ROBO2: variants seen among roughly 807,000 people sequenced by gnomAD.
ROBO2 encodes the protein roundabout guidance receptor 2, also known as roundabout homolog 2.
A neutral mutation model predicts 160.8 loss-of-function variants in ROBO2; 53 were observed. The observed-to-expected ratio is 0.33, with a 90% confidence interval of 0.26 to 0.41. The LOEUF (loss-of-function observed/expected upper bound fraction) is 0.41. Among genes scored for constraint, ROBO2 ranks in the 10% least tolerant of loss-of-function variants. The pLI is 1.00. For missense variants in ROBO2, 1,577 were observed against 1,722.4 expected (o/e 0.92, Z 1.49); for synonymous variants, 664 against 611.7 (o/e 1.09, Z -1.26).
intron 2 of ROBO2, among the ~76,000 whole-genome samples, chr3:76,564,804 A>G (rs999377470): frequency 6.6e-6 from 1 of 152,340 alleles, no homozygotes; most frequent in East Asian, 1.9e-4. Flanking sequence ...TACTGGTTTA[A>G]GAGATTTTCT....
At chr3:76,914,828 A>C (rs1159941976) in intron 2 of ROBO2, among the ~76,000 whole-genome samples, 1 of 152,202 alleles carries the variant, frequency 6.6e-6, no homozygotes, top group African/African-American at 2.4e-5. Context: ...GGGAAAACAG[A>C]GTAAGAATTT....
intron 2 of ROBO2, among the ~76,000 whole-genome samples, chr3:76,055,587 G>A (rs573626962): frequency 6.6e-6 from 1 of 152,122 alleles, no homozygotes; most frequent in East Asian, 1.9e-4. Flanking sequence ...GTGAGAATGT[G>A]AAATATTTGA....
intron 2 of ROBO2, among the ~76,000 whole-genome samples, chr3:77,194,423 A>T (rs1484054016): frequency 2.0e-5 from 3 of 152,102 alleles, no homozygotes; most frequent in Admixed American, 2.0e-4. Context: ...TCACTTCCAT[A>T]CTTTCTGGTT....
intron 2 of ROBO2, among the ~76,000 whole-genome samples, chr3:76,396,858 T>C (rs986098399): frequency 1.3e-5 from 2 of 152,118 alleles, no homozygotes; most frequent in Admixed American, 6.5e-5. Context: ...TCCATGCTCA[T>C]GGGTAGGAAG....
At chr3:76,122,937 C>T (rs1402103765) in intron 2 of ROBO2, among the ~76,000 whole-genome samples, 4 of 152,076 alleles carry the variant, frequency 2.6e-5, no homozygotes, top group East Asian at 1.9e-4. Context: ...TTAGTAGAGA[C>T]GGGGTTTCAC....
At chr3:76,838,949 A>G (rs888651710) in intron 2 of ROBO2, among the ~76,000 whole-genome samples, 1 of 152,142 alleles carries the variant, frequency 6.6e-6, no homozygotes, top group Non-Finnish European at 1.5e-5. Flanking sequence ...TGTATTAGCT[A>G]TTATCAGTTT....
intron 2 of ROBO2, among the ~76,000 whole-genome samples, chr3:76,627,205 T>C (rs1240384273): frequency 2.0e-5 from 3 of 152,224 alleles, no homozygotes; most frequent in Non-Finnish European, 4.4e-5. Flanking sequence ...GCATTCTTCT[T>C]TTGAATTAAT....
At chr3:76,385,826 CAT>C (rs1250859863) in intron 2 of ROBO2, among the ~76,000 whole-genome samples, 1 of 152,032 alleles carries the variant, frequency 6.6e-6, no homozygotes, top group African/African-American at 2.4e-5. Flanking sequence ...AGTTCATTAA[CAT>C]ATTTATATCC....
chr3:76,550,684 G>T (rs2083363370), intron 2 of ROBO2, among the ~76,000 whole-genome samples: 2 of 152,226 alleles, frequency 1.3e-5, no homozygotes, highest in African/African-American at 4.8e-5. Context: ...AGAAGTGCCT[G>T]CTCCCACTCT....
intron 2 of ROBO2, among the ~76,000 whole-genome samples, chr3:77,178,841 G>T (rs1316441777): frequency 6.6e-6 from 1 of 152,004 alleles, no homozygotes; most frequent in Non-Finnish European, 1.5e-5. Context: ...AGAGCAAATT[G>T]AATTTGAGTT....
intron 2 of ROBO2, among the ~76,000 whole-genome samples, chr3:76,961,264 A>AC (rs576941186): frequency 6.6e-6 from 1 of 151,604 alleles, no homozygotes; most frequent in Non-Finnish European, 1.5e-5. Flanking sequence ...AAAAAAAAAA[A>AC]AAAACACTAG....
intron 2 of ROBO2, among the ~76,000 whole-genome samples, chr3:77,439,343 T>C (rs939578600): frequency 6.6e-6 from 1 of 152,048 alleles, no homozygotes; most frequent in Non-Finnish European, 1.5e-5. Context: ...CAAGGAAATA[T>C]ATTTAAAAAG....
At chr3:77,180,414 C>CTATATATATATATATATA (rs1449905064) in intron 2 of ROBO2, among the ~76,000 whole-genome samples, 3 of 92,736 alleles carry the variant, frequency 3.2e-5, no homozygotes, top group Admixed American at 2.2e-4. Context: ...CTCTCTCTCT[C>CTATATATATATATATATA]TCTATATATA....
chr3:77,010,709 T>C (rs1002985343), intron 2 of ROBO2, among the ~76,000 whole-genome samples: 1 of 152,174 alleles, frequency 6.6e-6, no homozygotes, highest in Non-Finnish European at 1.5e-5. Context: ...GGCTTTTTAT[T>C]GAACTCTTAA....
intron 2 of ROBO2, among the ~76,000 whole-genome samples, chr3:76,093,818 T>A (rs1252893331): frequency 6.6e-6 from 1 of 152,052 alleles, no homozygotes; most frequent in East Asian, 1.9e-4. Context: ...TACAGGAAAA[T>A]GTGTGGCATT....
At chr3:76,763,311 A>G (rs1165802273) in intron 2 of ROBO2, among the ~76,000 whole-genome samples, 1 of 151,750 alleles carries the variant, frequency 6.6e-6, no homozygotes, top group Non-Finnish European at 1.5e-5. Flanking sequence ...GAAATAATGT[A>G]TGCAAAATTA....
At chr3:76,304,684 G>T (rs560032061) in intron 2 of ROBO2, among the ~76,000 whole-genome samples, 4 of 151,464 alleles carry the variant, frequency 2.6e-5, no homozygotes, top group Non-Finnish European at 5.9e-5. Context: ...TGATTTTCTC[G>T]TTTTATTTTG....
chr3:76,053,270 C>T (rs1490553641), intron 2 of ROBO2, among the ~76,000 whole-genome samples: 1 of 152,016 alleles, frequency 6.6e-6, no homozygotes, highest in Non-Finnish European at 1.5e-5. Flanking sequence ...TTAAATTTTA[C>T]ATCTAACGCA....
chr3:76,024,309 C>T (rs1478191406), intron 2 of ROBO2, among the ~76,000 whole-genome samples: 1 of 151,070 alleles, frequency 6.6e-6, no homozygotes, highest in East Asian at 1.9e-4. Flanking sequence ...TTTGGCAAGG[C>T]AAAAACTTTA....
Sources: allele counts gnomAD v4.1 joint callset (sites outside exome capture counted in the v4.1 genomes callset), GRCh38; gene constraint gnomAD v4.1.1; transcripts MANE v1.5; gene names NCBI Gene and HGNC (gene_info 2026-07-23, HGNC 2026-07-21).